EXOC3L1: variants seen among roughly 807,000 people sequenced by gnomAD.
EXOC3L1 encodes the protein exocyst complex component 3-like protein.
In EXOC3L1, 79 loss-of-function variants were observed where a neutral mutation model predicts 83.6. That is an observed-to-expected ratio of 0.95 (90% CI 0.79 to 1.14). The LOEUF is 1.14. Among genes scored for constraint, EXOC3L1 ranks in the 50% most tolerant of loss-of-function variants. The pLI is 0.00. For missense variants in EXOC3L1, 945 were observed against 972.0 expected (o/e 0.97, Z 0.37); for synonymous variants, 433 against 451.2 (o/e 0.96, Z 0.51).
intron 9 of EXOC3L1, chr16:67,185,807 T>C (rs1443411978): frequency 4.2e-5 from 21 of 505,274 alleles, no homozygotes; most frequent in Non-Finnish European, 7.5e-5. Flanking sequence ...AAATCATCAC[T>C]TGTTTTCCTT....
In EXOC3L1 at chr16:67,184,804, C is replaced by A. The variant is rs781064445; in HGVS notation, c.1912G>T (p.Glu638Ter). The change falls in exon 13 of 14, where the codon GAG becomes TAG. Residue 638 changes from glutamate to a stop codon, truncating the protein, a stop_gained. Coordinates refer to ENST00000314586, the MANE Select transcript of EXOC3L1 (RefSeq NM_178516.4). LOFTEE classifies it high-confidence loss of function. ...ACCGGCGCGCAGTGCGCGTTCTCCT[C>A]CAGGCCCTGAGCACGTCGGGGTAGG... ...LQQLFLSLGL[E>*]ENAHCAPVLL... 1.9e-6 allele frequency: 3 copies of A among 1,602,668 alleles called. No homozygotes were observed. The highest frequency in any genetic ancestry group is 2.5e-6 in the Non-Finnish European group (3 of 1,179,536).
intron 9 of EXOC3L1, 123 bp from the exon 10 acceptor site, chr16:67,185,613 C>T: frequency 1.1e-6 from 1 of 880,270 alleles, no homozygotes; most frequent in Non-Finnish European, 1.8e-6. Flanking sequence ...AGAACAGCGG[C>T]TCTCTGCACT....
In EXOC3L1 at chr16:67,186,302, C is replaced by G. The variant is rs1257717426; in HGVS notation, c.1431G>C (p.Gly477=). 5.1e-6 allele frequency: 8 copies of G among 1,574,500 alleles called. No homozygotes were observed. Residue 477 remains glycine (G), a synonymous_variant, in exon 9 of 14, where the codon GGG becomes GGC. Coordinates refer to ENST00000314586, the MANE Select transcript of EXOC3L1 (RefSeq NM_178516.4). Reference sequence around the variant, plus strand: ...GCACGTAATGAGGGGCCATTGATTTCCCCCTGAAGTGGTCTCGGGAGAATC... The same window carrying G: ...GCACGTAATGAGGGGCCATTGATTTGCCCCTGAAGTGGTCTCGGGAGAATC... ...LIRFSRDHFR[G]KSMAPHYVPY...
chr16:67,186,910 G>C (rs779571268), intron 6 of EXOC3L1, 26 bp from the exon 7 acceptor site: 4 of 1,613,186 alleles, frequency 2.5e-6, no homozygotes, highest in Non-Finnish European at 3.4e-6. Flanking sequence ...AGGGGCAAAG[G>C]AATGTAGCAG....
At chr16:67,189,272 A>ATTTG (rs982342555) in intron 2 of EXOC3L1, 92 bp from the exon 3 acceptor site, 169 of 1,208,986 alleles carry the variant, frequency 1.4e-4, no homozygotes, top group Middle Eastern at 3.0e-4. Flanking sequence ...TTATTTATTT[A>ATTTG]TTTGTTTGTT....
chr16:67,186,073 A>C (rs1042956341), intron 9 of EXOC3L1, among the ~76,000 whole-genome samples, 164 bp downstream of exon 9: 9 of 152,140 alleles, frequency 5.9e-5, no homozygotes, highest in Non-Finnish European at 1.3e-4. Flanking sequence ...AGATTAGGTA[A>C]CTCATCCAAG....
rs1167742756 is a variant in EXOC3L1, at chr16:67,187,667, G to C, written c.598C>G (p.Gln200Glu). Residue 200 changes from glutamine (Q) to glutamate (E), a missense_variant, in exon 5 of 14, where the codon CAG (glutamine) becomes GAG (glutamate). Transcript: ENST00000314586. ...GLDLLFEALG[Q>E]AVEAAAGAAG... ...GCCCCTGCAGCTGCTTCCACAGCCT[G>C]GCCCAGTGCCTCGAACAGAAGGTCC... 1.9e-6 allele frequency: 3 copies of C among 1,612,482 alleles called. No individual in the cohort carries two copies. The highest frequency in any genetic ancestry group is 2.5e-6 in the Non-Finnish European group (3 of 1,179,832).
rs139624444 is a variant in EXOC3L1 at position 67,186,638 on chromosome 16, C to T, written c.1304G>A (p.Arg435His). ...TGACTCACTGACCAGGCTGGCCACA[C>T]GAATGTTCTCTTCCAGGATCTGCAG... ...IVLQILEENI[R>H]VASLVSESLQ... is the part of the protein sequence containing the mutation. The change falls in exon 8 of 14, where the codon CGT (arginine) becomes CAT (histidine). Residue 435 changes from arginine to histidine, a missense_variant. Arg to His is a conservative substitution (Grantham distance 29, BLOSUM62 0). Coordinates refer to ENST00000314586, the MANE Select transcript of EXOC3L1 (RefSeq NM_178516.4). 1.1e-5 allele frequency: 17 copies of T among 1,614,048 alleles called. No homozygotes were observed. The highest frequency in any genetic ancestry group is 6.7e-5 in the East Asian group (3 of 44,900).
At chr16:67,186,396 C>T in intron 8 of EXOC3L1, 49 bp from the exon 9 acceptor site, 3 of 1,462,608 alleles carry the variant, frequency 2.1e-6, no homozygotes, top group Non-Finnish European at 1.9e-6. Flanking sequence ...GCTGGCATCC[C>T]CACAGCCCCA....
At position 67,184,791 on chromosome 16, in the gene EXOC3L1, T is replaced by C; in HGVS notation, c.1925A>G (p.His642Arg). The C allele has an allele frequency of 6.2e-7, 1 of 1,601,006 alleles. No homozygotes were observed. The highest frequency in any genetic ancestry group is 2.2e-5 in the East Asian group (1 of 44,808). ...CAGGGCGAGCAGCACCGGCGCGCAGTGCGCGTTCTCCTCCAGGCCCTGAGC... is the reference window on the plus strand; with the variant it reads ...CAGGGCGAGCAGCACCGGCGCGCAGCGCGCGTTCTCCTCCAGGCCCTGAGC... ...FLSLGLEENA[H>R]CAPVLLALRE... The change falls in exon 13 of 14, where the codon CAC (histidine) becomes CGC (arginine). Residue 642 changes from histidine to arginine, a missense_variant. By Grantham distance (29) the His-to-Arg change is conservative. Transcript: ENST00000314586.
chr16:67,186,950 A>G (rs753233642), intron 6 of EXOC3L1, 66 bp from the exon 7 acceptor site: 1 of 1,612,414 alleles, frequency 6.2e-7, no homozygotes, highest in South Asian at 1.1e-5. Flanking sequence ...ATGGGTAGAC[A>G]TTCCACTCTG....
In EXOC3L1 at chr16:67,188,743, G is replaced by A; in HGVS notation, c.405C>T (p.His135=). The A allele has an allele frequency of 1.9e-6, 3 of 1,611,694 alleles. No homozygotes were observed. Among genetic ancestry groups the A allele is most frequent in the Admixed American group, 1.7e-5 (1 of 60,018 alleles). The change falls in exon 4 of 14, where the codon CAC becomes CAT. Residue 135 remains histidine (H), a synonymous_variant. Coordinates refer to ENST00000314586, the MANE Select transcript of EXOC3L1 (RefSeq NM_178516.4). ...CACCTGCCCGCAGCCGAGGCAGCAGGTGAGACAGGGCCTGCAGTTGCTTGT... is the reference window on the plus strand; with the variant it reads ...CACCTGCCCGCAGCCGAGGCAGCAGATGAGACAGGGCCTGCAGTTGCTTGT... The part of the protein sequence containing the change: ...AQHKQLQALS[H]LLPRLRAVPA...
Position 67,184,796 on chromosome 16 carries a change from G to T in EXOC3L1, c.1920C>A (p.Asn640Lys), listed in dbSNP as rs1234710986. 1 of 1,601,508 alleles carries T rather than the reference G, an allele frequency of 6.2e-7. No homozygotes were observed. Among genetic ancestry groups the T allele is most frequent in the South Asian group, 1.1e-5 (1 of 90,992 alleles). ...QLFLSLGLEE[N>K]AHCAPVLLAL... ...CGAGCAGCACCGGCGCGCAGTGCGCGTTCTCCTCCAGGCCCTGAGCACGTC... is the reference window on the plus strand; with the variant it reads ...CGAGCAGCACCGGCGCGCAGTGCGCTTTCTCCTCCAGGCCCTGAGCACGTC... The change falls in exon 13 of 14, where the codon AAC becomes AAA. Residue 640 changes from asparagine to lysine, a missense_variant. Coordinates refer to ENST00000314586, the MANE Select transcript of EXOC3L1 (RefSeq NM_178516.4).
At position 67,186,292 on chromosome 16, in the gene EXOC3L1, C is replaced by A; in HGVS notation, c.1441G>T (p.Ala481Ser). 1 of 1,576,394 alleles carries A rather than the reference C, an allele frequency of 6.3e-7. No homozygotes were observed. Among genetic ancestry groups the A allele is most frequent in the East Asian group, 2.3e-5 (1 of 42,788 alleles). The change falls in exon 9 of 14, where the codon GCC becomes TCC. Residue 481 changes from alanine to serine, a missense_variant. Transcript: ENST00000314586. ...AGTAGGTAGGGCACGTAATGAGGGGCCATTGATTTCCCCCTGAAGTGGTCT... is the reference window on the plus strand; with the variant it reads ...AGTAGGTAGGGCACGTAATGAGGGGACATTGATTTCCCCCTGAAGTGGTCT... ...SRDHFRGKSM[A>S]PHYVPYLLAA...
chr16:67,189,192 G>A lies in EXOC3L1; in HGVS notation c.47-12C>T, dbSNP rs1288494359. 1.3e-6 allele frequency: 2 copies of A among 1,587,186 alleles called. No homozygotes were observed. The highest frequency in any genetic ancestry group is 8.6e-7 in the Non-Finnish European group (1 of 1,167,154). On this transcript the variant is annotated splice_polypyrimidine_tract_variant and intron_variant, in intron 2 of 13. Transcript: ENST00000314586. ...TGGCCACTCAGGTCCTGGGAAGGAA[G>A]AGCCTGGGCAGCCGTGTAGTCAGGG...
chr16:67,189,465 C>T (rs1283833298), intron 2 of EXOC3L1, among the ~76,000 whole-genome samples, 166 bp downstream of exon 2: 2 of 152,052 alleles, frequency 1.3e-5, no homozygotes, highest in Admixed American at 6.5e-5. Flanking sequence ...TTAGTAGAGA[C>T]GGGGTTTCAC....
At chr16:67,186,486 C>T (rs1210715052) in intron 8 of EXOC3L1, 71 bp downstream of exon 8, 35 of 1,530,710 alleles carry the variant, frequency 2.3e-5, no homozygotes, top group Non-Finnish European at 3.1e-5. Context: ...ATGTCTTATT[C>T]ACTCAGAGCC....
In EXOC3L1 at chr16:67,187,227, C is replaced by T. The variant is rs1453354490; in HGVS notation, c.1038G>A (p.Leu346=). 1 of 1,610,034 alleles carries T rather than the reference C, an allele frequency of 6.2e-7. No individual in the cohort carries two copies. The highest frequency in any genetic ancestry group is 1.7e-5 in the Admixed American group (1 of 59,962). ...CCCGCTGCCCCAAAGGCACTGACCC[C>T]AGGTACACATGCAGTGCCCAGTGCA... ...ALLHWALHVY[L]GQEMMGSLEL... Residue 346 remains leucine (L), a splice_region_variant and synonymous_variant, in exon 5 of 14, where the codon CTG becomes CTA. Transcript: ENST00000314586.
rs770689882 is a variant in EXOC3L1, at chr16:67,188,892, G to C, written c.256C>G (p.Leu86Val). 1 of 1,612,900 alleles carries C rather than the reference G, an allele frequency of 6.2e-7. No individual in the cohort carries two copies. The highest frequency in any genetic ancestry group is 1.3e-5 in the African/African-American group (1 of 74,912). Residue 86 changes from leucine to valine, a missense_variant, in exon 4 of 14, where the codon CTG becomes GTG. Physicochemically the swap from Leu to Val is conservative, Grantham distance 32. Transcript: ENST00000314586. ...LEGVQTGVWQ[L>V]AQAIEVVQGT... ...TGCACCACCTCAATGGCCTGGGCCA[G>C]CTGCCACACACCAGTCTGCACGCCT...
Sources: gnomAD v4.1 joint callset for allele counts (sites outside exome capture counted in the v4.1 genomes callset) on GRCh38, gnomAD v4.1.1 for gene constraint, MANE v1.5 for transcripts, NCBI Gene and HGNC (gene_info 2026-07-23, HGNC 2026-07-21) for gene names.